Variants in GFRA2 observed in about 807,000 individuals in gnomAD.
GFRA2 encodes the protein GDNF family receptor alpha-2.
GFRA2 carries 17 observed loss-of-function variants against 48.3 expected under a neutral mutation model. That is an observed-to-expected ratio of 0.35 (90% CI 0.24 to 0.53). The LOEUF (loss-of-function observed/expected upper bound fraction) is 0.53, where lower values mean the gene tolerates loss of function less well. Among genes scored for constraint, GFRA2 ranks in the 20% least tolerant of loss-of-function variants. GFRA2 has a pLI of 0.93. For synonymous variants in GFRA2, 305 were observed against 257.2 expected, an observed-to-expected ratio of 1.19 and a Z score of -1.78; for missense variants, 660 against 637.3, an observed-to-expected ratio of 1.04 and a Z score of -0.38.
chr8:21,740,314 T>C (rs909123930), intron 4 of GFRA2, among the ~76,000 whole-genome samples: 1 of 152,160 alleles, frequency 6.6e-6, no homozygotes. Context: ...AGGGCAAACA[T>C]CTTCCCTTTC....
chr8:21,713,673 C>G lies in GFRA2; in HGVS notation c.795-7632G>C, dbSNP rs182554579. Among the ~76,000 whole-genome samples the G allele has an allele frequency of 2.6e-5, 4 of 152,250 alleles. No homozygotes were observed. The East Asian group carries it at 7.8e-4, about 30-fold the overall frequency. On this transcript the variant is annotated intron_variant, in intron 4 of 8. Transcript: ENST00000524240. ...CCGCAGACCAAAAGCATCATATCAA[C>G]TGGGAACTTCTTAGAAATATAGATT... is the stretch of plus-strand genomic sequence containing the variant.
At chr8:21,756,650 G>A (rs1805586193) in intron 3 of GFRA2, among the ~76,000 whole-genome samples, 1 of 152,140 alleles carries the variant, frequency 6.6e-6, no homozygotes, top group South Asian at 2.1e-4. Flanking sequence ...GAAGAAGGTG[G>A]GGGATTCTAA....
chr8:21,797,119 A>C (rs976971647), intron 2 of GFRA2, among the ~76,000 whole-genome samples: 29 of 152,304 alleles, frequency 1.9e-4, no homozygotes, highest in African/African-American at 7.0e-4. Flanking sequence ...GCTTTTGCTT[A>C]AATGCTTTAG....
chr8:21,764,852 C>T (rs375641841), intron 3 of GFRA2, among the ~76,000 whole-genome samples: 49 of 152,318 alleles, frequency 3.2e-4, no homozygotes, highest in African/African-American at 1.2e-3. Flanking sequence ...TATTTCACTA[C>T]TCCCCTTCCT....
At chr8:21,759,077 G>A (rs1293280074) in intron 3 of GFRA2, among the ~76,000 whole-genome samples, 1 of 152,168 alleles carries the variant, frequency 6.6e-6, no homozygotes, top group Non-Finnish European at 1.5e-5. Context: ...GTAAGGGAAA[G>A]ACTGAGAGTA....
At chr8:21,709,645 T>C (rs1802918317) in intron 4 of GFRA2, among the ~76,000 whole-genome samples, 2 of 152,282 alleles carry the variant, frequency 1.3e-5, no homozygotes, top group South Asian at 2.1e-4. Flanking sequence ...CTTATCTCCC[T>C]TGGGGAGCAC....
At chr8:21,735,449 G>C (rs771706134) in intron 4 of GFRA2, among the ~76,000 whole-genome samples, 1 of 150,634 alleles carries the variant, frequency 6.6e-6, no homozygotes, top group Non-Finnish European at 1.5e-5. Context: ...GTTCTCCTTC[G>C]CACACACACA....
At chr8:21,714,183 T>TAGAATA (rs11282663) in intron 4 of GFRA2, among the ~76,000 whole-genome samples, 14,356 of 150,264 alleles carry the variant, frequency 0.096, 1,129 homozygotes, top group African/African-American at 0.22. Flanking sequence ...TTGTCTGATG[T>TAGAATA]AGAATAATAT....
chr8:21,801,900 G>C (rs997618598), intron 2 of GFRA2, among the ~76,000 whole-genome samples: 1 of 152,202 alleles, frequency 6.6e-6, no homozygotes, highest in Non-Finnish European at 1.5e-5. Context: ...AATGGGACTC[G>C]GGTGCTGGAG....
intron 3 of GFRA2, among the ~76,000 whole-genome samples, chr8:21,751,777 G>C (rs1563247104): frequency 6.6e-6 from 1 of 152,136 alleles, no homozygotes; most frequent in Non-Finnish European, 1.5e-5. Context: ...ACAGTTCCTG[G>C]TGTTCTAATC....
intron 1 of GFRA2, chr8:21,784,415 G>A: frequency 2.2e-6 from 1 of 449,492 alleles, no homozygotes; most frequent in Non-Finnish European, 4.5e-6. Flanking sequence ...TAGGCCAGAA[G>A]TCCCCTCCTC....
At chr8:21,701,969 C>A (rs1047292876) in intron 7 of GFRA2, among the ~76,000 whole-genome samples, 1 of 152,140 alleles carries the variant, frequency 6.6e-6, no homozygotes, top group Non-Finnish European at 1.5e-5. Context: ...AGCCTCTCCC[C>A]AGATGGGCCG....
intron 4 of GFRA2, among the ~76,000 whole-genome samples, chr8:21,721,859 G>C (rs1803613259): frequency 6.6e-6 from 1 of 152,122 alleles, no homozygotes; most frequent in Non-Finnish European, 1.5e-5. Context: ...AAAAGCACAG[G>C]GCAAATATAT....
intron 4 of GFRA2, among the ~76,000 whole-genome samples, chr8:21,739,414 TTAG>T (rs1312904720): frequency 1.3e-5 from 2 of 152,122 alleles, no homozygotes; most frequent in Non-Finnish European, 1.5e-5. Context: ...GATCACAGAG[TTAG>T]TTATCGGCAG....
Position 21,788,539 on chromosome 8 carries a change from G to A in GFRA2, c.-380C>T, listed in dbSNP as rs1333678786. ...GCGCTTCCCAGGAGGGGCCTGGGGA[G>A]GTGGGGAGAGAGGCGATTTGCGAGT... On this transcript the variant is annotated 5_prime_UTR_variant, in exon 1 of 9. Coordinates refer to ENST00000524240, the MANE Select transcript of GFRA2 (RefSeq NM_001495.5). 13 of 1,023,342 alleles carry A rather than the reference G, an allele frequency of 1.3e-5. No individual in the cohort carries two copies. In the East Asian group the frequency reaches 9.7e-4, roughly 76 times the overall value. 63.4% of individuals were successfully genotyped at this position (1,023,342 alleles called of 1,614,324 possible).
At chr8:21,774,156 C>A (rs1168849331) in intron 3 of GFRA2, among the ~76,000 whole-genome samples, 1 of 151,326 alleles carries the variant, frequency 6.6e-6, no homozygotes, top group East Asian at 1.9e-4. Flanking sequence ...TCACCCCCCA[C>A]CCCCACAGAG....
chr8:21,735,115 C>T (rs781568034), intron 4 of GFRA2, among the ~76,000 whole-genome samples: 9 of 152,192 alleles, frequency 5.9e-5, no homozygotes, highest in Non-Finnish European at 1.0e-4. Context: ...CTGAACACCT[C>T]GGGCACATGT....
At chr8:21,763,320 C>G (rs139542514) in intron 3 of GFRA2, among the ~76,000 whole-genome samples, 54 of 152,218 alleles carry the variant, frequency 3.5e-4, no homozygotes, top group African/African-American at 1.2e-3. Context: ...TGGGGGCCTC[C>G]TTTCTCCTCA....
intron 1 of GFRA2, among the ~76,000 whole-genome samples, chr8:21,811,707 G>A (rs1232711830): frequency 3.3e-5 from 5 of 151,738 alleles, no homozygotes; most frequent in Non-Finnish European, 7.4e-5. Context: ...AGCTTCCCCT[G>A]CAAGTGAATG....
Sources: allele counts gnomAD v4.1 joint callset (sites outside exome capture counted in the v4.1 genomes callset), GRCh38; gene constraint gnomAD v4.1.1; transcripts MANE v1.5; gene names NCBI Gene and HGNC (gene_info 2026-07-23, HGNC 2026-07-21).